The following SH3GL2 variants were observed in gnomAD, a reference collection of about 807,000 sequenced individuals.
SH3GL2 encodes SH3 domain containing GRB2 like 2, endophilin A1.
In SH3GL2, 24 loss-of-function variants were observed where a neutral mutation model predicts 46.0. That is an observed-to-expected ratio of 0.52 (90% confidence interval 0.38 to 0.73). The LOEUF (loss-of-function observed/expected upper bound fraction) is 0.73, where lower values mean the gene tolerates loss of function less well. Among genes scored for constraint, SH3GL2 ranks in the 30% least tolerant of loss-of-function variants. SH3GL2 has a pLI of 0.00. For missense variants in SH3GL2, 413 were observed against 424.2 expected, an observed-to-expected ratio of 0.97 and a Z score of 0.23; for synonymous variants, 196 against 147.1, an observed-to-expected ratio of 1.33 and a Z score of -2.40.
intron 8 of SH3GL2, among the ~76,000 whole-genome samples, chr9:17,793,794 G>A (rs1321063341): frequency 3.3e-5 from 5 of 152,100 alleles, no homozygotes; most frequent in Admixed American, 6.5e-5. Context: ...CTTTGTGGTC[G>A]TAAATCGCCT....
At position 17,795,729 on chromosome 9, in the gene SH3GL2, G is replaced by T. The variant is rs1243345507; in HGVS notation, c.1045G>T (p.Ala349Ser). The stretch of plus-strand genomic sequence containing the variant: ...CATCAATTATGTGGAAATTCTGGTT[G>T]CCCTGCCCCATTAGGATGTTATGCT... ...FPINYVEILVALPH is the reference protein window; with the variant it reads ...FPINYVEILVSLPH Residue 349 changes from alanine (A) to serine (S), a missense_variant, in exon 9 of 9, where the codon GCC becomes TCC. Coordinates refer to ENST00000380607, the MANE Select transcript of SH3GL2 (RefSeq NM_003026.5). The T allele has an allele frequency of 2.5e-6, 4 of 1,613,594 alleles. No individual in the cohort carries two copies. The highest frequency in any genetic ancestry group is 2.7e-5 in the African/African-American group (2 of 75,034).
intron 3 of SH3GL2, among the ~76,000 whole-genome samples, chr9:17,777,640 AG>A (rs1297910221): frequency 6.7e-6 from 1 of 148,330 alleles, no homozygotes; most frequent in East Asian, 2.0e-4. Flanking sequence ...GCTGGTAGTT[AG>A]ACGCCTTCTC....
intron 1 of SH3GL2, among the ~76,000 whole-genome samples, chr9:17,639,044 A>G (rs1448298242): frequency 6.6e-6 from 1 of 152,214 alleles, no homozygotes; most frequent in East Asian, 1.9e-4. Context: ...AGCCAAGTGT[A>G]ATGTATGTAA....
At chr9:17,618,107 G>A (rs569617766) in intron 1 of SH3GL2, among the ~76,000 whole-genome samples, 1 of 152,192 alleles carries the variant, frequency 6.6e-6, no homozygotes, top group African/African-American at 2.4e-5. Context: ...CCTCCAGTTT[G>A]CATTGGTTCT....
intron 1 of SH3GL2, among the ~76,000 whole-genome samples, chr9:17,622,468 T>A (rs1328459725): frequency 1.3e-5 from 2 of 152,172 alleles, no homozygotes; most frequent in Non-Finnish European, 2.9e-5. Flanking sequence ...GACACTAGAA[T>A]TGGGTGTCCA....
At chr9:17,634,010 G>T (rs1256761111) in intron 1 of SH3GL2, among the ~76,000 whole-genome samples, 1 of 152,198 alleles carries the variant, frequency 6.6e-6, no homozygotes, top group Non-Finnish European at 1.5e-5. Flanking sequence ...CTTGAGCTTA[G>T]TTGTGTATAC....
chr9:17,689,281 A>T (rs1278449896), intron 1 of SH3GL2, among the ~76,000 whole-genome samples: 9 of 152,110 alleles, frequency 5.9e-5, no homozygotes, highest in African/African-American at 2.2e-4. Flanking sequence ...GAAACTGTCA[A>T]ACCAAGAGGA....
intron 1 of SH3GL2, among the ~76,000 whole-genome samples, chr9:17,700,119 T>C (rs1392309975): frequency 6.7e-6 from 1 of 148,314 alleles, no homozygotes; most frequent in Non-Finnish European, 1.5e-5. Context: ...ATGGCAACAT[T>C]ATCTCTAGAG....
chr9:17,778,842 G>C (rs1047230097), intron 3 of SH3GL2, among the ~76,000 whole-genome samples: 2 of 152,136 alleles, frequency 1.3e-5, no homozygotes, highest in African/African-American at 4.8e-5. Context: ...ATGAAGTCTA[G>C]TGCCTGAGCA....
chr9:17,589,983 T>C (rs1818450703), intron 1 of SH3GL2: 1 of 152,148 alleles, frequency 6.6e-6, no homozygotes, highest in Non-Finnish European at 1.5e-5. Context: ...CCCTGAGATA[T>C]ATTTTAGGGA....
intron 1 of SH3GL2, among the ~76,000 whole-genome samples, chr9:17,662,188 C>G (rs916241488): frequency 5.9e-5 from 9 of 152,106 alleles, no homozygotes; most frequent in African/African-American, 2.2e-4. Flanking sequence ...TCTTCTGTAT[C>G]TTTGCTAATT....
chr9:17,708,742 C>T (rs376179428), intron 1 of SH3GL2, among the ~76,000 whole-genome samples: 1 of 151,954 alleles, frequency 6.6e-6, no homozygotes, highest in East Asian at 1.9e-4. Context: ...TTAAAATGTT[C>T]TATTTAAAGG....
Position 17,795,525 on chromosome 9 carries a change from C to G in SH3GL2, c.860-19C>G. On this transcript the variant is annotated intron_variant, in intron 8 of 8. Coordinates refer to ENST00000380607, the MANE Select transcript of SH3GL2 (RefSeq NM_003026.5). The stretch of plus-strand genomic sequence containing the variant: ...TTATCCTTTTGTGTTCTTCTCTTCT[C>G]TCCTGCTCTTACTCCCAGGTGTCCA... 1.2e-6 allele frequency: 2 copies of G among 1,605,408 alleles called. No individual in the cohort carries two copies. Among genetic ancestry groups the G allele is most frequent in the Admixed American group, 1.7e-5 (1 of 59,986 alleles).
At position 17,605,096 on chromosome 9, in the gene SH3GL2, C is replaced by A. The variant is rs568704478; in HGVS notation, c.45+25809C>A. ...CAAGTGATCCTCTCACCTTAGCCTC[C>A]CGAGTAGCTGGGAATACAGGCATTC... is the stretch of plus-strand genomic sequence containing the variant. On this transcript the variant is annotated intron_variant, in intron 1 of 8. Transcript: ENST00000380607. Among the ~76,000 whole-genome samples the A allele has an allele frequency of 7.9e-5, 12 of 151,934 alleles. No homozygotes were observed. In the East Asian group the frequency reaches 2.3e-3, roughly 29 times the overall value.
intron 1 of SH3GL2, among the ~76,000 whole-genome samples, chr9:17,742,819 A>G (rs1318624664): frequency 1.3e-5 from 2 of 152,234 alleles, no homozygotes; most frequent in South Asian, 2.1e-4. Flanking sequence ...AGGTTTTTAA[A>G]TGGTACAGGA....
chr9:17,786,485 C>A lies in SH3GL2; in HGVS notation c.292C>A (p.Leu98Ile), dbSNP rs1823961167. 6.2e-7 allele frequency: 1 copy of A among 1,613,460 alleles called. No homozygotes were observed. Among genetic ancestry groups the A allele is most frequent in the African/African-American group, 1.3e-5 (1 of 74,996 alleles). ...AGAGGCGCTGCTGGCAGAGGCCATGCTCAAATTTGGAAGAGAGCTTGGAGA... is the reference window on the plus strand; with the variant it reads ...AGAGGCGCTGCTGGCAGAGGCCATGATCAAATTTGGAAGAGAGCTTGGAGA... Reference protein sequence around the residue: ...QAEALLAEAMLKFGRELGDDC... With the variant: ...QAEALLAEAMIKFGRELGDDC... The change falls in exon 4 of 9, where the codon CTC (leucine) becomes ATC (isoleucine). Residue 98 changes from leucine (L) to isoleucine (I), a missense_variant. Around this residue, in one of 3 missense-constraint regions of SH3GL2, gnomAD observed 160 missense variants for 192.3 expected, o/e 0.83. Transcript: ENST00000380607.
chr9:17,613,168 A>T (rs752133707), intron 1 of SH3GL2, among the ~76,000 whole-genome samples: 1 of 152,204 alleles, frequency 6.6e-6, no homozygotes, highest in Non-Finnish European at 1.5e-5. Context: ...TAGTGTGACC[A>T]TTGCTTTTCT....
intron 1 of SH3GL2, among the ~76,000 whole-genome samples, chr9:17,579,960 T>G (rs1390747088): frequency 1.3e-5 from 2 of 152,258 alleles, no homozygotes; most frequent in African/African-American, 4.8e-5. Flanking sequence ...ACCAAATTGT[T>G]GAAGACTTAA....
At chr9:17,773,007 T>G (rs9407859) in intron 3 of SH3GL2, among the ~76,000 whole-genome samples, 15,359 of 152,170 alleles carry the variant, frequency 0.1, 865 homozygotes, top group Non-Finnish European at 0.11. Context: ...TTATTTTCTG[T>G]TTTTTTGATG....
Sources: gnomAD v4.1 joint callset for allele counts (sites outside exome capture counted in the v4.1 genomes callset) on GRCh38, gnomAD v4.1.1 for gene constraint, gnomAD v4.1.1 regional missense constraint, MANE v1.5 for transcripts, NCBI Gene and HGNC (gene_info 2026-07-23, HGNC 2026-07-21) for gene names.